The following ITGA8 variants were observed in gnomAD, a reference collection of about 807,000 sequenced individuals.
The protein encoded by ITGA8 is integrin alpha-8.
In ITGA8, 91 loss-of-function variants were observed where a neutral mutation model predicts 142.3. The ratio of observed to expected loss-of-function variants is 0.64; its 90% confidence interval spans 0.54 to 0.76. The LOEUF (loss-of-function observed/expected upper bound fraction) is 0.76, where lower values mean the gene tolerates loss of function less well. Ranked by LOEUF, ITGA8 falls within the 30% of genes least tolerant of loss-of-function variation. The pLI is 0.00. For missense variants in ITGA8, 1,406 were observed against 1,327.7 expected (o/e 1.06, Z -0.92); for synonymous variants, 505 against 485.2 (o/e 1.04, Z -0.54).
chr10:15,710,304 A>C (rs1332511988), intron 2 of ITGA8, among the ~76,000 whole-genome samples: 1 of 152,136 alleles, frequency 6.6e-6, no homozygotes, highest in East Asian at 1.9e-4. Flanking sequence ...GATTCTTTGT[A>C]GACTTCATTT....
At chr10:15,693,436 A>G (rs2131715509) in intron 2 of ITGA8, among the ~76,000 whole-genome samples, 1 of 152,340 alleles carries the variant, frequency 6.6e-6, no homozygotes, top group South Asian at 2.1e-4. Flanking sequence ...ACATTTTGAC[A>G]TGTTAGTAGA....
intron 16 of ITGA8, 31 bp downstream of exon 16, chr10:15,608,204 C>T (rs1268881279): frequency 2.7e-6 from 4 of 1,498,312 alleles, no homozygotes; most frequent in Admixed American, 3.5e-5. Context: ...CTTAGTATAC[C>T]ATAAGAATGT....
chr10:15,580,924 T>C (rs1273003911), intron 23 of ITGA8, among the ~76,000 whole-genome samples: 2 of 152,164 alleles, frequency 1.3e-5, no homozygotes, highest in Non-Finnish European at 2.9e-5. Context: ...TTCTAGTCTA[T>C]GCAATAAGGG....
chr10:15,572,549 C>G (rs2131581512), intron 24 of ITGA8, among the ~76,000 whole-genome samples, 180 bp from the exon 25 acceptor site: 1 of 152,280 alleles, frequency 6.6e-6, no homozygotes. Context: ...CTGAAAGCAT[C>G]ATGGGCTGGT....
intron 2 of ITGA8, among the ~76,000 whole-genome samples, chr10:15,700,653 T>C (rs920696440): frequency 5.3e-5 from 8 of 152,122 alleles, no homozygotes; most frequent in African/African-American, 1.9e-4. Flanking sequence ...GGAGAAAATC[T>C]TCACAATCTA....
chr10:15,672,595 C>A (rs1465076600), intron 7 of ITGA8, 29 bp downstream of exon 7: 2 of 1,586,862 alleles, frequency 1.3e-6, no homozygotes, highest in Non-Finnish European at 1.7e-6. Context: ...TTTTGAAAAA[C>A]CACAAATGTC....
At chr10:15,677,449 A>G (rs1413030853) in intron 6 of ITGA8, 143 bp downstream of exon 6, 1 of 639,674 alleles carries the variant, frequency 1.6e-6, no homozygotes, top group Non-Finnish European at 2.6e-6. Flanking sequence ...AAAGCAAAAA[A>G]AAGAAATAAC....
intron 25 of ITGA8, among the ~76,000 whole-genome samples, chr10:15,560,940 A>G (rs144120577): frequency 1.2e-3 from 188 of 151,984 alleles, no homozygotes; most frequent in African/African-American, 4.4e-3. Context: ...ACACGGTCTC[A>G]CTCTGTCGGT....
intron 26 of ITGA8, among the ~76,000 whole-genome samples, chr10:15,549,633 A>G (rs1049308254): frequency 6.6e-6 from 1 of 152,212 alleles, no homozygotes; most frequent in Non-Finnish European, 1.5e-5. Context: ...GTTTAAATTT[A>G]TCTTGTGGCC....
chr10:15,586,260 T>A (rs1832829353), intron 23 of ITGA8, among the ~76,000 whole-genome samples: 1 of 151,952 alleles, frequency 6.6e-6, no homozygotes. Flanking sequence ...GGTTTCACGA[T>A]GTTGGCTAGG....
chr10:15,718,702 C>G, intron 2 of ITGA8, 64 bp downstream of exon 2: 1 of 1,595,032 alleles, frequency 6.3e-7, no homozygotes, highest in Non-Finnish European at 8.6e-7. Context: ...GGGAAGTCGC[C>G]TCTGGGATGG....
At position 15,605,703 on chromosome 10, in the gene ITGA8, C is replaced by T. The variant is rs1833181799; in HGVS notation, c.1970+21G>A. The T allele has an allele frequency of 1.9e-6, 3 of 1,587,426 alleles. No individual in the cohort carries two copies. In the African/African-American group the frequency reaches 4.0e-5, roughly 21 times the overall value. On this transcript the variant is annotated intron_variant, in intron 19 of 29. Coordinates refer to ENST00000378076, the MANE Select transcript of ITGA8 (RefSeq NM_003638.3). ...GTAATTCCATTAGATAGAAAGTACA[C>T]ATTTAGTTATTTAAACTTACGGTCT...
At chr10:15,718,650 G>T in intron 2 of ITGA8, 116 bp downstream of exon 2, 2 of 1,298,614 alleles carry the variant, frequency 1.5e-6, no homozygotes, top group South Asian at 1.4e-5. Context: ...CCCACAATAC[G>T]GACATATCAG....
chr10:15,667,625 A>G (rs1375800045), intron 8 of ITGA8, among the ~76,000 whole-genome samples: 259 of 152,134 alleles, frequency 1.7e-3, no homozygotes, highest in Admixed American at 2.8e-3. Context: ...TGTCAATTTT[A>G]GATCTTTCCT....
At chr10:15,603,433 T>C (rs969025250) in intron 20 of ITGA8, among the ~76,000 whole-genome samples, 1 of 152,220 alleles carries the variant, frequency 6.6e-6, no homozygotes, top group Non-Finnish European at 1.5e-5. Context: ...CCTCATCCTA[T>C]GAAAGGAAAC....
intron 15 of ITGA8, among the ~76,000 whole-genome samples, chr10:15,609,643 G>A (rs1833257254): frequency 6.6e-6 from 1 of 152,196 alleles, no homozygotes; most frequent in Non-Finnish European, 1.5e-5. Context: ...AAGATGAAGA[G>A]TTAATCACAT....
At chr10:15,663,985 A>G (rs1834338241) in intron 8 of ITGA8, among the ~76,000 whole-genome samples, 1 of 152,160 alleles carries the variant, frequency 6.6e-6, no homozygotes, top group Non-Finnish European at 1.5e-5. Flanking sequence ...GGCGCTAGTT[A>G]CTCAATACTA....
At chr10:15,598,956 A>G (rs933661863) in intron 20 of ITGA8, among the ~76,000 whole-genome samples, 1 of 152,234 alleles carries the variant, frequency 6.6e-6, no homozygotes, top group Non-Finnish European at 1.5e-5. Flanking sequence ...ACCGCTAATC[A>G]TACAGAGATG....
chr10:15,526,291 C>G (rs1374370094), intron 28 of ITGA8, among the ~76,000 whole-genome samples: 3 of 152,106 alleles, frequency 2.0e-5, no homozygotes, highest in South Asian at 4.1e-4. Flanking sequence ...ATTCTCTTGC[C>G]TCAGCCTCCC....
Sources: allele counts gnomAD v4.1 joint callset (sites outside exome capture counted in the v4.1 genomes callset), GRCh38; gene constraint gnomAD v4.1.1; transcripts MANE v1.5; gene names NCBI Gene and HGNC (gene_info 2026-07-23, HGNC 2026-07-21).